The following TPRG1 variants were observed in gnomAD, a reference collection of about 807,000 sequenced individuals.
TPRG1 encodes tumor protein p63-regulated gene 1 protein.
TPRG1 carries 29 observed loss-of-function variants against 29.3 expected under a neutral mutation model. The observed-to-expected ratio is 0.99, with a 90% CI of 0.74 to 1.35. The LOEUF (loss-of-function observed/expected upper bound fraction) is 1.35, where lower values mean the gene tolerates loss of function less well. Ranked by LOEUF, TPRG1 falls within the 40% of genes most tolerant of loss-of-function variation. TPRG1 has a pLI of 0.00. For synonymous variants in TPRG1, 130 were observed against 116.8 expected (o/e 1.11, Z -0.73); for missense variants, 327 against 335.0 (o/e 0.98, Z 0.19).
chr3:189,018,702 T>G (rs1713102668), intron 3 of TPRG1, among the ~76,000 whole-genome samples: 1 of 151,842 alleles, frequency 6.6e-6, no homozygotes, highest in Non-Finnish European at 1.5e-5. Context: ...TAGGATTGAC[T>G]TGGCATTGCA....
chr3:189,207,895 A>G (rs1734652826), intron 2 of TPRG1, among the ~76,000 whole-genome samples: 1 of 152,218 alleles, frequency 6.6e-6, no homozygotes, highest in Admixed American at 6.5e-5. Flanking sequence ...AGTATTCCAT[A>G]AAGAGAGAAC....
intron 1 of TPRG1, among the ~76,000 whole-genome samples, chr3:189,107,321 A>G (rs1323451638): frequency 1.3e-5 from 2 of 152,188 alleles, no homozygotes; most frequent in Non-Finnish European, 2.9e-5. Flanking sequence ...AGTTTTTTGC[A>G]TCTGAACACG....
intron 4 of TPRG1, among the ~76,000 whole-genome samples, chr3:189,088,968 ATATC>A (rs36139441): frequency 0.34 from 50,253 of 148,810 alleles, 8,406 homozygotes; most frequent in Non-Finnish European, 0.37. Flanking sequence ...GTATCTATTG[ATATC>A]TATCTATCTA....
Position 189,174,062 on chromosome 3 carries a change from C to A in TPRG1, c.-10+1931C>A, listed in dbSNP as rs148083119. Among the ~76,000 whole-genome samples, 368 of 152,246 alleles carry A rather than the reference C, an allele frequency of 2.4e-3. 2 individuals carry two copies. The highest frequency in any genetic ancestry group is 8.6e-3 in the African/African-American group (357 of 41,540). On this transcript the variant is annotated intron_variant, in intron 1 of 5. Coordinates refer to ENST00000345063, the MANE Select transcript of TPRG1 (RefSeq NM_198485.4). ...CAGCCTGTCTGGATTTTTATATTTTCTGGGATCTTCCTAAATAAGTGCCAC... is the reference window on the plus strand; with the variant it reads ...CAGCCTGTCTGGATTTTTATATTTTATGGGATCTTCCTAAATAAGTGCCAC...
intron 1 of TPRG1, among the ~76,000 whole-genome samples, chr3:189,101,468 C>A (rs1243614465): frequency 1.3e-5 from 2 of 152,260 alleles, no homozygotes; most frequent in East Asian, 1.9e-4. Context: ...ACTCACCCCC[C>A]ACTGTCAACC....
chr3:189,071,463 A>G (rs1032062830), intron 4 of TPRG1, among the ~76,000 whole-genome samples: 1 of 152,198 alleles, frequency 6.6e-6, no homozygotes, highest in Non-Finnish European at 1.5e-5. Flanking sequence ...TTATCCACAC[A>G]GACACAGAGG....
chr3:189,222,369 A>G (rs188171166), intron 3 of TPRG1, among the ~76,000 whole-genome samples: 1 of 152,340 alleles, frequency 6.6e-6, no homozygotes, highest in East Asian at 1.9e-4. Flanking sequence ...GAGATTTCTA[A>G]TCCTTATTAA....
At chr3:189,161,751 T>A (rs866668283) in intron 5 of TPRG1, among the ~76,000 whole-genome samples, 1 of 152,184 alleles carries the variant, frequency 6.6e-6, no homozygotes, top group Non-Finnish European at 1.5e-5. Flanking sequence ...AGCTCTCAGA[T>A]TAATCAGGGA....
chr3:189,261,782 G>C (rs114494689), intron 4 of TPRG1, among the ~76,000 whole-genome samples: 1,968 of 152,294 alleles, frequency 0.013, 47 homozygotes, highest in African/African-American at 0.045. Flanking sequence ...AGAATCTGAG[G>C]AGTTTATTAC....
At chr3:189,303,058 A>G (rs138731996) in intron 4 of TPRG1, among the ~76,000 whole-genome samples, 3 of 152,188 alleles carry the variant, frequency 2.0e-5, no homozygotes, top group African/African-American at 7.2e-5. Context: ...GCTGGCTTTC[A>G]TAAAGGGAAG....
At chr3:189,287,722 T>A (rs1718314092) in intron 4 of TPRG1, among the ~76,000 whole-genome samples, 1 of 152,136 alleles carries the variant, frequency 6.6e-6, no homozygotes, top group Admixed American at 6.5e-5. Flanking sequence ...AGATGCCGAG[T>A]TAATATTGCC....
intron 4 of TPRG1, among the ~76,000 whole-genome samples, chr3:189,305,943 G>A (rs552957193): frequency 6.6e-6 from 1 of 152,314 alleles, no homozygotes; most frequent in Middle Eastern, 3.4e-3. Context: ...ATGGAGGCCA[G>A]ATCCAGCTGT....
rs375971338 is a variant in TPRG1, at chr3:189,117,614, A to G, written c.-743-9443A>G. The stretch of plus-strand genomic sequence containing the variant: ...AGTCCTGTGTCATGGGAGGGACCCC[A>G]TGGGAGGTAATTGGATCATGGGAGT... On this transcript the variant is annotated intron_variant, in intron 1 of 6. Transcript: ENST00000412373. 6.0e-4 allele frequency among the ~76,000 whole-genome samples: 92 copies of G among 152,314 alleles called. 1 individual carries two copies. The South Asian group carries it at 0.017, about 28-fold the overall frequency.
intron 4 of TPRG1, chr3:189,150,641 A>G (rs899782112): frequency 3.3e-5 from 5 of 152,316 alleles, no homozygotes; most frequent in African/African-American, 9.6e-5. Flanking sequence ...TGCTTTTTAA[A>G]TGTATTTTCA....
chr3:189,037,174 A>G (rs1714324055), intron 4 of TPRG1, among the ~76,000 whole-genome samples: 1 of 151,844 alleles, frequency 6.6e-6, no homozygotes, highest in South Asian at 2.1e-4. Flanking sequence ...TTTTTACTTG[A>G]TAAAAATATT....
rs1015435120 is a variant in TPRG1, at chr3:189,284,905, A to G, written c.480-25481A>G. Among the ~76,000 whole-genome samples, 11 of 152,210 alleles carry G rather than the reference A, an allele frequency of 7.2e-5. No individual in the cohort carries two copies. In the South Asian group the frequency reaches 8.3e-4, roughly 11 times the overall value. On this transcript the variant is annotated intron_variant, in intron 4 of 5. Coordinates refer to ENST00000345063, the MANE Select transcript of TPRG1 (RefSeq NM_198485.4). Reference sequence around the variant, plus strand: ...CAAGGACTTCATGTCTAAAACACCAAAAGCAATGGCAACAAAAGCCAAAAT... The same window carrying G: ...CAAGGACTTCATGTCTAAAACACCAGAAGCAATGGCAACAAAAGCCAAAAT...
chr3:189,019,302 C>G (rs1713150254), intron 3 of TPRG1, among the ~76,000 whole-genome samples: 1 of 152,092 alleles, frequency 6.6e-6, no homozygotes, highest in Non-Finnish European at 1.5e-5. Flanking sequence ...GCATCCCTGT[C>G]TTGTGCCAGT....
chr3:189,015,950 A>G (rs940393621), intron 3 of TPRG1, among the ~76,000 whole-genome samples: 2 of 152,162 alleles, frequency 1.3e-5, no homozygotes, highest in African/African-American at 4.8e-5. Context: ...GAGCCCCCAC[A>G]CAGAGTCTCC....
At chr3:189,099,936 T>C (rs1453374826), upstream of TPRG1, among the ~76,000 whole-genome samples, 1 of 152,186 alleles carries the variant, frequency 6.6e-6, no homozygotes, top group African/African-American at 2.4e-5. Context: ...TGGACACCTG[T>C]CTTTTGTCCC....
Sources: allele counts gnomAD v4.1 joint callset (sites outside exome capture counted in the v4.1 genomes callset), GRCh38; gene constraint gnomAD v4.1.1; transcripts MANE v1.5; gene names NCBI Gene and HGNC (gene_info 2026-07-23, HGNC 2026-07-21).